Variants in PTPRN2 observed in about 807,000 individuals in gnomAD.
PTPRN2 encodes the protein receptor-type tyrosine-protein phosphatase N2.
Under a neutral mutation model 118.8 loss-of-function variants are expected in PTPRN2, and 74 were observed. The ratio of observed to expected loss-of-function variants is 0.62; its 90% confidence interval spans 0.52 to 0.76. The LOEUF is 0.76. Among genes scored for constraint, PTPRN2 ranks in the 30% least tolerant of loss-of-function variants. PTPRN2 has a pLI of 0.00. For synonymous variants in PTPRN2, 641 were observed against 608.0 expected, an observed-to-expected ratio of 1.05 and a Z score of -0.80; for missense variants, 1,481 against 1,394.4, an observed-to-expected ratio of 1.06 and a Z score of -0.99.
In PTPRN2 at chr7:158,316,913, G is replaced by A; in HGVS notation, c.183C>T (p.Cys61=). The stretch of plus-strand genomic sequence containing the variant: ...AAAAGTCCATTGCCGGAACCTTCTG[G>A]CACCTTCCAAACACTCCATCTGTGA... ...ACVNDGVFGR[C]QKVPAMDFYR... is the part of the protein sequence containing the mutation. Residue 61 remains cysteine (C), a synonymous_variant, in exon 3 of 23, where the codon TGC becomes TGT. Coordinates refer to ENST00000389418, the MANE Select transcript of PTPRN2 (RefSeq NM_002847.5). 1 of 1,612,448 alleles carries A rather than the reference G, an allele frequency of 6.2e-7. No individual in the cohort carries two copies. The highest frequency in any genetic ancestry group is 8.5e-7 in the Non-Finnish European group (1 of 1,179,770).
intron 11 of PTPRN2, among the ~76,000 whole-genome samples, chr7:158,074,988 C>T (rs756829364): frequency 7.2e-5 from 11 of 152,156 alleles, no homozygotes; most frequent in African/African-American, 2.2e-4. Flanking sequence ...TGGCGTTCCA[C>T]GCTGGTAGCC....
chr7:158,310,122 CG>C (rs1162012809), intron 3 of PTPRN2, among the ~76,000 whole-genome samples: 1 of 152,130 alleles, frequency 6.6e-6, no homozygotes. Context: ...GACAGCAACT[CG>C]AACAAGAGAA....
At chr7:158,148,448 C>A (rs1421064249) in intron 6 of PTPRN2, among the ~76,000 whole-genome samples, 1 of 134,796 alleles carries the variant, frequency 7.4e-6, no homozygotes, top group African/African-American at 2.8e-5. Context: ...GACACCCCAT[C>A]TCATGCCACA....
rs1418663942 is a variant in PTPRN2 at position 157,801,637 on chromosome 7, AAAT to A, written c.1788+97033_1788+97035del. ...AAGAGCAAATGTTTTAAAGGCCTAA[AAAT>A]AATAATTTTCTCTAGGGAAAAATTT... On this transcript the variant is annotated intron_variant, in intron 12 of 22. Coordinates refer to ENST00000389418, the MANE Select transcript of PTPRN2 (RefSeq NM_002847.5). This position sits in a 1 kb window ranked among gnomAD's most constrained non-coding sequence, Gnocchi z 4.2. Among the ~76,000 whole-genome samples, 2 of 152,206 alleles carry A rather than the reference AAAT, an allele frequency of 1.3e-5. No individual in the cohort carries two copies. The highest frequency in any genetic ancestry group is 2.4e-5 in the African/African-American group (1 of 41,434).
chr7:157,690,352 C>T lies in PTPRN2; in HGVS notation c.1789-7415G>A, dbSNP rs1424801109. Among the ~76,000 whole-genome samples, 1 of 152,216 alleles carries T rather than the reference C, an allele frequency of 6.6e-6. No homozygotes were observed. Among genetic ancestry groups the T allele is most frequent in the Admixed American group, 6.5e-5 (1 of 15,290 alleles). The stretch of plus-strand genomic sequence containing the variant: ...ACCCCCTGAACTGAGCTCTCCGACG[C>T]CCTAGTTGCCCGTTAGAGCCCCCAT... On this transcript the variant is annotated intron_variant, in intron 12 of 22. Transcript: ENST00000389418. The surrounding 1 kb of genome is among the most constrained non-coding windows in gnomAD (Gnocchi z 7.1).
intron 1 of PTPRN2, among the ~76,000 whole-genome samples, chr7:158,498,568 G>GCTCTTGGTTTTTAATCA (rs1822120954): frequency 9.6e-6 from 1 of 103,628 alleles, no homozygotes; most frequent in African/African-American, 3.1e-5. Flanking sequence ...GTTTTTAATC[G>GCTCTTGGTTTTTAATCA]GCTCTGGTTT....
Position 157,953,939 on chromosome 7 carries a change from G to A in PTPRN2, c.1724-55202C>T, listed in dbSNP as rs1307511869. Among the ~76,000 whole-genome samples the A allele has an allele frequency of 6.6e-6, 1 of 152,234 alleles. No homozygotes were observed. The highest frequency in any genetic ancestry group is 1.9e-4 in the East Asian group (1 of 5,202). ...TGCACAAACGCTTGAAGATGCATGT[G>A]TGTTAGAGTCTCTTCCACAGAACTC... On this transcript the variant is annotated intron_variant, in intron 11 of 22. Transcript: ENST00000389418. The surrounding 1 kb of genome is among the most constrained non-coding windows in gnomAD (Gnocchi z 4.6).
At chr7:158,518,773 T>C (rs988552913) in intron 1 of PTPRN2, among the ~76,000 whole-genome samples, 1 of 152,126 alleles carries the variant, frequency 6.6e-6, no homozygotes, top group Non-Finnish European at 1.5e-5. Flanking sequence ...TTGCTTGAGC[T>C]CAGGAGTTCA....
At position 157,964,814 on chromosome 7, in the gene PTPRN2, G is replaced by A. The variant is rs373322891; in HGVS notation, c.1724-66077C>T. On this transcript the variant is annotated intron_variant, in intron 11 of 22. Coordinates refer to ENST00000389418, the MANE Select transcript of PTPRN2 (RefSeq NM_002847.5). The surrounding 1 kb of genome is among the most constrained non-coding windows in gnomAD (Gnocchi z 9.0). ...CACTCAACCCTGGCTGATCCCCATG[G>A]CCTGTTCTTTCGACGATCCTCCTCT... is the stretch of plus-strand genomic sequence containing the variant. Among the ~76,000 whole-genome samples the A allele has an allele frequency of 4.6e-5, 7 of 152,328 alleles. No homozygotes were observed. In the East Asian group the frequency reaches 1.3e-3, roughly 29 times the overall value.
At chr7:157,814,848 G>C (rs1806291914) in intron 12 of PTPRN2, among the ~76,000 whole-genome samples, 1 of 152,186 alleles carries the variant, frequency 6.6e-6, no homozygotes, top group Non-Finnish European at 1.5e-5. Flanking sequence ...CCTGTTTCAG[G>C]TGTCCACACT....
intron 12 of PTPRN2, among the ~76,000 whole-genome samples, chr7:157,771,305 G>A (rs1360404928): frequency 6.6e-6 from 1 of 152,242 alleles, no homozygotes; most frequent in Admixed American, 6.5e-5. Context: ...TTATAGAGCT[G>A]AGAGCAAAAC....
At chr7:158,129,270 T>G (rs111204870) in intron 9 of PTPRN2, among the ~76,000 whole-genome samples, 1 of 124,762 alleles carries the variant, frequency 8.0e-6, no homozygotes, top group Non-Finnish European at 1.6e-5. Context: ...CACCACACAC[T>G]ACACACCACA....
chr7:158,300,041 T>C (rs1175331176), intron 3 of PTPRN2, among the ~76,000 whole-genome samples: 2 of 152,216 alleles, frequency 1.3e-5, no homozygotes, highest in East Asian at 1.9e-4. Flanking sequence ...TCCCACTGTC[T>C]GACAGTTGAA....
intron 3 of PTPRN2, among the ~76,000 whole-genome samples, chr7:158,287,546 T>A (rs1372670187): frequency 6.6e-6 from 1 of 152,142 alleles, no homozygotes; most frequent in Non-Finnish European, 1.5e-5. Flanking sequence ...CAAGAGATCT[T>A]TTAATTCTCT....
chr7:158,486,295 C>A (rs1322051677), intron 2 of PTPRN2, among the ~76,000 whole-genome samples: 1 of 152,232 alleles, frequency 6.6e-6, no homozygotes, highest in Admixed American at 6.5e-5. Context: ...CCGACATAAG[C>A]GTGATCTATT....
intron 11 of PTPRN2, among the ~76,000 whole-genome samples, chr7:158,019,062 G>A (rs553694254): frequency 9.9e-5 from 15 of 151,056 alleles, no homozygotes; most frequent in African/African-American, 2.2e-4. Context: ...TCACTCTAAC[G>A]TGACCCACGC....
chr7:157,748,328 G>A (rs558412401), intron 12 of PTPRN2, among the ~76,000 whole-genome samples: 1 of 140,128 alleles, frequency 7.1e-6, no homozygotes, highest in African/African-American at 2.6e-5. Context: ...TCTGAGCAGA[G>A]GGGTGTCCGG....
intron 2 of PTPRN2, among the ~76,000 whole-genome samples, chr7:158,328,120 A>C (rs1803807087): frequency 6.6e-6 from 1 of 152,194 alleles, no homozygotes; most frequent in South Asian, 2.1e-4. Context: ...CCCATTCTGC[A>C]AGGAAGCTGT....
In PTPRN2 at chr7:158,269,287, A is replaced by G. The variant is rs145440668; in HGVS notation, c.277+47532T>C. Reference sequence around the variant, plus strand: ...AACAAGGAGACGGCCCTCACCTAGCAGTGTAACCCTGAATGCCAAGGCCAT... The same window carrying G: ...AACAAGGAGACGGCCCTCACCTAGCGGTGTAACCCTGAATGCCAAGGCCAT... On this transcript the variant is annotated intron_variant, in intron 3 of 22. Transcript: ENST00000389418. 7.8e-3 allele frequency among the ~76,000 whole-genome samples: 1,183 copies of G among 152,246 alleles called. 8 individuals are homozygous for G. The highest frequency in any genetic ancestry group is 0.02 in the Middle Eastern group (6 of 294).
Sources: gnomAD v4.1 joint callset for allele counts (sites outside exome capture counted in the v4.1 genomes callset) on GRCh38, gnomAD v4.1.1 for gene constraint, Gnocchi (gnomAD v3.1) non-coding constraint, MANE v1.5 for transcripts, NCBI Gene and HGNC (gene_info 2026-07-23, HGNC 2026-07-21) for gene names.